DTX1: variants seen among roughly 807,000 people sequenced by gnomAD.
The protein encoded by DTX1 is deltex E3 ubiquitin ligase 1.
DTX1 carries 26 observed loss-of-function variants against 57.8 expected under a neutral mutation model. That is an observed-to-expected ratio of 0.45 (90% CI 0.33 to 0.62). The LOEUF is 0.62. DTX1 is among the 20% of genes least tolerant of loss of function. The pLI, the probability that DTX1 is intolerant of heterozygous loss-of-function variation, is 0.02. For missense variants in DTX1, 704 were observed against 895.3 expected (o/e 0.79, Z 2.73); for synonymous variants, 398 against 394.1 (o/e 1.01, Z -0.12).
At chr12:113,095,441 G>A in intron 9 of DTX1, 27 bp downstream of exon 9, 1 of 1,613,864 alleles carries the variant, frequency 6.2e-7, no homozygotes, top group South Asian at 1.1e-5. Flanking sequence ...GAGGGCATGG[G>A]AGATAGGCAC....
chr12:113,065,073 G>A (rs894690531), intron 2 of DTX1, among the ~76,000 whole-genome samples: 5 of 152,212 alleles, frequency 3.3e-5, no homozygotes, highest in Non-Finnish European at 2.9e-5. Context: ...AGGCCTCGTG[G>A]GGCCCACTGG....
At chr12:113,080,210 A>G (rs774623498) in intron 3 of DTX1, among the ~76,000 whole-genome samples, 1 of 152,124 alleles carries the variant, frequency 6.6e-6, no homozygotes, top group Non-Finnish European at 1.5e-5. Context: ...GCCAACAGAG[A>G]GCAGACTTGA....
At chr12:113,078,934 A>T (rs1279134859) in intron 3 of DTX1, among the ~76,000 whole-genome samples, 1 of 152,048 alleles carries the variant, frequency 6.6e-6, no homozygotes, top group Non-Finnish European at 1.5e-5. Context: ...GGCAAACGAG[A>T]GTCTGTCTCT....
In DTX1 at chr12:113,057,963, A is replaced by C; in HGVS notation, c.-230A>C. The C allele has an allele frequency of 1.6e-6, 1 of 642,106 alleles. No homozygotes were observed. The highest frequency in any genetic ancestry group is 2.6e-6 in the Non-Finnish European group (1 of 386,698). The allele number at this position is 642,106 out of a possible 1,614,324, so 39.8% of individuals were successfully genotyped here. On this transcript the variant is annotated 5_prime_UTR_variant, in exon 2 of 10. Transcript: ENST00000548759. ...AGAGACACTTGCTTTCCAGGGCAGCACCCTTTATCGGAGAAGGCTCTACAG... is the reference window on the plus strand; with the variant it reads ...AGAGACACTTGCTTTCCAGGGCAGCCCCCTTTATCGGAGAAGGCTCTACAG...
intron 3 of DTX1, among the ~76,000 whole-genome samples, chr12:113,090,783 G>A (rs1674091): frequency 0.79 from 120,827 of 152,158 alleles, 48,051 homozygotes; most frequent in Admixed American, 0.84. Flanking sequence ...GTGTGTGTGC[G>A]CTGCACCTGT....
intron 3 of DTX1, among the ~76,000 whole-genome samples, chr12:113,086,143 C>A (rs2044855214): frequency 6.6e-6 from 1 of 151,850 alleles, no homozygotes; most frequent in Non-Finnish European, 1.5e-5. Flanking sequence ...TGGTGCGTGC[C>A]TGTAGTCCCA....
At chr12:113,094,154 C>G in intron 6 of DTX1, 55 bp downstream of exon 6, 1 of 1,481,456 alleles carries the variant, frequency 6.8e-7, no homozygotes, top group Non-Finnish European at 9.2e-7. Flanking sequence ...GGGGCAGGAA[C>G]CCTCACCCCT....
In DTX1 at chr12:113,096,848, C is replaced by T. The variant is rs759000343; in HGVS notation, c.1772C>T (p.Thr591Met). The change falls in exon 10 of 10, where the codon ACG (threonine) becomes ATG (methionine). Residue 591 changes from threonine to methionine, a missense_variant. Transcript: ENST00000548759. ...HHKTEFGSNL[T>M]GHGYPDASYL... is the part of the protein sequence containing the mutation. Reference sequence around the variant, plus strand: ...AAGACCGAGTTTGGATCCAACCTCACGGGCCACGGCTACCCGGACGCTAGC... The same window carrying T: ...AAGACCGAGTTTGGATCCAACCTCATGGGCCACGGCTACCCGGACGCTAGC... 2.1e-5 allele frequency: 34 copies of T among 1,613,760 alleles called. No homozygotes were observed. The highest frequency in any genetic ancestry group is 5.0e-5 in the Admixed American group (3 of 60,012).
intron 3 of DTX1, among the ~76,000 whole-genome samples, chr12:113,083,636 T>C (rs2044833977): frequency 1.3e-5 from 2 of 152,244 alleles, no homozygotes; most frequent in South Asian, 4.1e-4. Context: ...AATTTGCCAA[T>C]AATTTTAATG....
rs1244773773 is a variant in DTX1, at chr12:113,058,518, T to A, written c.259+67T>A. The A allele has an allele frequency of 2.0e-6, 3 of 1,529,320 alleles. No homozygotes were observed. In the East Asian group the frequency reaches 6.8e-5, roughly 35 times the overall value. The allele number at this position is 1,529,320 out of a possible 1,614,324, so 94.7% of individuals were successfully genotyped here. A position where few individuals can be genotyped will look rare whatever the true frequency, so the allele number is the denominator to read the frequency against. On this transcript the variant is annotated intron_variant, in intron 2 of 9. Transcript: ENST00000548759. The stretch of plus-strand genomic sequence containing the variant: ...ATCACTACCTTGCAGCGTAGGATGC[T>A]GAAAATCCCAGTAAATCTGCTGATG...
chr12:113,057,142 C>G (rs1277368860), intron 1 of DTX1, among the ~76,000 whole-genome samples, 198 bp downstream of exon 1: 2 of 152,074 alleles, frequency 1.3e-5, no homozygotes, highest in East Asian at 2.0e-4. Flanking sequence ...CGCGCATCCC[C>G]GTGCTTCCCG....
chr12:113,064,845 A>T (rs565504786), intron 2 of DTX1, among the ~76,000 whole-genome samples: 2 of 152,250 alleles, frequency 1.3e-5, no homozygotes, highest in Non-Finnish European at 2.9e-5. Flanking sequence ...CGGTGCCTTC[A>T]GCCATGGGAT....
Position 113,078,100 on chromosome 12 carries a change from G to T in DTX1, c.936G>T (p.Pro312=). Residue 312 remains proline (P), a synonymous_variant, in exon 3 of 10, where the codon CCG becomes CCT. Transcript: ENST00000548759. ...TTSVSARASI[P]PGVPALPVKN... ...GCGTGAGCGCGCGCGCCTCCATCCC[G>T]CCGGGGTAAGACGGGGCCCAGGGGG... 7.2e-7 allele frequency: 1 copy of T among 1,381,750 alleles called. No individual in the cohort carries two copies. Among genetic ancestry groups the T allele is most frequent in the Non-Finnish European group, 9.4e-7 (1 of 1,068,486 alleles). The allele number at this position is 1,381,750 out of a possible 1,614,324, so 85.6% of individuals were successfully genotyped here.
At chr12:113,071,175 C>G (rs1260491184) in intron 2 of DTX1, among the ~76,000 whole-genome samples, 1 of 152,242 alleles carries the variant, frequency 6.6e-6, no homozygotes, top group Non-Finnish European at 1.5e-5. Context: ...GTATGTCTCT[C>G]TCTGTCTCTC....
chr12:113,063,623 T>C (rs1320529943), intron 2 of DTX1, among the ~76,000 whole-genome samples: 2 of 152,220 alleles, frequency 1.3e-5, no homozygotes, highest in African/African-American at 2.4e-5. Context: ...AAAGATGCCA[T>C]ACCCGAGGCT....
In DTX1 at chr12:113,058,072, A is replaced by G; in HGVS notation, c.-121A>G. On this transcript the variant is annotated 5_prime_UTR_variant, in exon 2 of 10. Transcript: ENST00000548759. ...GCCTCAGAGAGAACCCAGAGTTAGA[A>G]AGGAGGCCAGACGGTCCTTGCTGTC... 1 of 1,418,802 alleles carries G rather than the reference A, an allele frequency of 7.0e-7. No individual in the cohort carries two copies. Among genetic ancestry groups the G allele is most frequent in the Non-Finnish European group, 9.2e-7 (1 of 1,082,242 alleles). The allele number at this position is 1,418,802 out of a possible 1,614,324, so 87.9% of individuals were successfully genotyped here.
chr12:113,057,828 C>T lies in DTX1; in HGVS notation c.-365C>T. ...GCCCTGTCTGGCGGGGAAGAGGGAC[C>T]AAGAGACAACACGGAAGAGGCTGGA... On this transcript the variant is annotated 5_prime_UTR_variant, in exon 2 of 10. Coordinates refer to ENST00000548759, the MANE Select transcript of DTX1 (RefSeq NM_004416.3). 4.4e-6 allele frequency: 1 copy of T among 226,648 alleles called. No homozygotes were observed. Among genetic ancestry groups the T allele is most frequent in the Non-Finnish European group, 8.7e-6 (1 of 114,942 alleles). The allele number at this position is 226,648 out of a possible 1,614,324, so 14.0% of individuals were successfully genotyped here. A position where few individuals can be genotyped will look rare whatever the true frequency, so the allele number is the denominator to read the frequency against.
In DTX1 at chr12:113,077,321, AC is replaced by A. The variant is rs1286747126; in HGVS notation, c.260-97del. 7.6e-6 allele frequency: 10 copies of A among 1,315,132 alleles called. No individual in the cohort carries two copies. Among genetic ancestry groups the A allele is most frequent in the Non-Finnish European group, 9.2e-6 (9 of 983,568 alleles). The allele number at this position is 1,315,132 out of a possible 1,614,324, so 81.5% of individuals were successfully genotyped here. On this transcript the variant is annotated intron_variant, in intron 2 of 9. Transcript: ENST00000548759. The surrounding 1 kb of genome is among the most constrained non-coding windows in gnomAD (Gnocchi z 7.8). ...GTGGACCCCCTGGAGGCCTGTGCTGACCCCCCAACCTCCCGCCCACCCTTGC... is the reference window on the plus strand; with the variant it reads ...GTGGACCCCCTGGAGGCCTGTGCTGACCCCCAACCTCCCGCCCACCCTTGC...
rs1371554350 is a variant in DTX1, at chr12:113,095,131, C to T, written c.1476C>T (p.Ile492=). The change falls in exon 8 of 10, where the codon ATC becomes ATT. Residue 492 remains isoleucine, a synonymous_variant. Coordinates refer to ENST00000548759, the MANE Select transcript of DTX1 (RefSeq NM_004416.3). ...CTGGGAAGATGGAGTTCCACCTCAT[C>T]CCCCACTCGCTGCCCGGCTTCCCTG... ...QPPGKMEFHL[I]PHSLPGFPDT... is the part of the protein sequence containing the mutation. The T allele has an allele frequency of 6.2e-7, 1 of 1,613,662 alleles. No individual in the cohort carries two copies. The highest frequency in any genetic ancestry group is 1.7e-5 in the Admixed American group (1 of 60,022).
Sources: allele counts gnomAD v4.1 joint callset (sites outside exome capture counted in the v4.1 genomes callset), GRCh38; gene constraint gnomAD v4.1.1; non-coding constraint Gnocchi (gnomAD v3.1); transcripts MANE v1.5; gene names NCBI Gene and HGNC (gene_info 2026-07-23, HGNC 2026-07-21).